The following ANKRD46 variants were observed in gnomAD, a reference collection of about 807,000 sequenced individuals.
ANKRD46 encodes ankyrin repeat domain-containing protein 46.
Under a neutral mutation model 19.8 loss-of-function variants are expected in ANKRD46, and 13 were observed. That is an observed-to-expected ratio of 0.66 (90% CI 0.43 to 1.04). The LOEUF (loss-of-function observed/expected upper bound fraction) is 1.04, where lower values mean the gene tolerates loss of function less well. Ranked by LOEUF, ANKRD46 falls within the 50% of genes least tolerant of loss-of-function variation. The probability of loss-of-function intolerance (pLI) is 0.00; values close to 1 mark genes in which losing one functional copy is unlikely to be tolerated. For synonymous variants in ANKRD46, 91 were observed against 106.9 expected, an observed-to-expected ratio of 0.85 and a Z score of 0.92; for missense variants, 185 against 274.8, an observed-to-expected ratio of 0.67 and a Z score of 2.31.
At chr8:100,526,048 G>A (rs948197159) in intron 4 of ANKRD46, among the ~76,000 whole-genome samples, 1 of 152,184 alleles carries the variant, frequency 6.6e-6, no homozygotes, top group Non-Finnish European at 1.5e-5. Context: ...ACACTGAGGG[G>A]TAGGAGTAAG....
intron 1 of ANKRD46, among the ~76,000 whole-genome samples, chr8:100,540,108 CTAAG>C (rs541221169): frequency 8.1e-4 from 124 of 152,154 alleles, no homozygotes; most frequent in African/African-American, 2.9e-3. Flanking sequence ...AGGCACAGTT[CTAAG>C]TGTTTTTCCT....
At position 100,525,727 on chromosome 8, in the gene ANKRD46, A is replaced by G. The variant is rs139466698; in HGVS notation, c.470+2118T>C. 6.6e-6 allele frequency among the ~76,000 whole-genome samples: 1 copy of G among 152,200 alleles called. No homozygotes were observed. The highest frequency in any genetic ancestry group is 2.4e-5 in the African/African-American group (1 of 41,446). ...ATTCATATATAAGTTTTGTGTGGAC[A>G]TATGTTTCAATTTTCTTTGGTATAT... is the stretch of plus-strand genomic sequence containing the variant. On this transcript the variant is annotated intron_variant, in intron 4 of 4. Transcript: ENST00000335659. The surrounding 1 kb of genome is among the most constrained non-coding windows in gnomAD (Gnocchi z 4.4).
At position 100,546,246 on chromosome 8, in the gene ANKRD46, C is replaced by G. The variant is rs1812270810; in HGVS notation, c.-130-12935G>C. Among the ~76,000 whole-genome samples the G allele has an allele frequency of 6.6e-6, 1 of 152,210 alleles. No individual in the cohort carries two copies. The highest frequency in any genetic ancestry group is 1.5e-5 in the Non-Finnish European group (1 of 68,022). On this transcript the variant is annotated intron_variant, in intron 1 of 4. Transcript: ENST00000335659. The surrounding 1 kb of genome is among the most constrained non-coding windows in gnomAD (Gnocchi z 4.0). ...CATGTCAGAGATCTTCATGGCAGCC[C>G]CTCCCATCACAGGCCACAAGGCCTA...
chr8:100,538,618 C>T (rs1412708900), intron 1 of ANKRD46, among the ~76,000 whole-genome samples: 1 of 152,052 alleles, frequency 6.6e-6, no homozygotes, highest in Non-Finnish European at 1.5e-5. Context: ...AGAAACCCAT[C>T]CCTCTTCAAA....
intron 3 of ANKRD46, among the ~76,000 whole-genome samples, chr8:100,528,987 T>G (rs945804415): frequency 2.0e-5 from 3 of 152,184 alleles, no homozygotes; most frequent in Admixed American, 6.5e-5. Context: ...CCCGGGAGAT[T>G]ATGAAGCTCA....
In ANKRD46 at chr8:100,537,423, C is replaced by A. The variant is rs1013077725; in HGVS notation, c.-130-4112G>T. 2.6e-5 allele frequency among the ~76,000 whole-genome samples: 4 copies of A among 152,132 alleles called. No individual in the cohort carries two copies. The highest frequency in any genetic ancestry group is 9.7e-5 in the African/African-American group (4 of 41,432). ...ATTCTGTCAGATCTTATTGCCTTTG[C>A]CATTTTCTAATGTCAAAGAAAAGTA... On this transcript the variant is annotated intron_variant, in intron 1 of 4. Coordinates refer to ENST00000335659, the MANE Select transcript of ANKRD46 (RefSeq NM_001270377.2). This position sits in a 1 kb window ranked among gnomAD's most constrained non-coding sequence, Gnocchi z 4.2.
chr8:100,550,527 C>CTT lies in ANKRD46; in HGVS notation c.-131+9182_-131+9183dup, dbSNP rs34381045. On this transcript the variant is annotated intron_variant, in intron 1 of 4. Coordinates refer to ENST00000335659, the MANE Select transcript of ANKRD46 (RefSeq NM_001270377.2). The surrounding 1 kb of genome is among the most constrained non-coding windows in gnomAD (Gnocchi z 4.4). The stretch of plus-strand genomic sequence containing the variant: ...TAAAATCAGGTTGTTCATTTTCTAT[C>CTT]TTTTTTTTTTTTTTGAGTACAGAGG... The CTT allele has an allele frequency of 0.023, 3,282 of 145,224 alleles. 69 individuals are homozygous for CTT. Among genetic ancestry groups the CTT allele is most frequent in the South Asian group, 0.04 (187 of 4,640 alleles). The allele number at this position is 145,224 out of a possible 1,614,324, so 9.0% of individuals were successfully genotyped here. A position where few individuals can be genotyped will look rare whatever the true frequency, so the allele number is the denominator to read the frequency against.
chr8:100,528,787 C>A (rs749935347), intron 3 of ANKRD46, among the ~76,000 whole-genome samples: 1 of 152,160 alleles, frequency 6.6e-6, no homozygotes, highest in African/African-American at 2.4e-5. Context: ...AAAGCATTTA[C>A]TGTCTTATTC....
At chr8:100,519,235 T>C (rs1260276419), downstream of ANKRD46, among the ~76,000 whole-genome samples, 2 of 152,216 alleles carry the variant, frequency 1.3e-5, no homozygotes, top group African/African-American at 2.4e-5. Flanking sequence ...ATGGGGTACA[T>C]GATATCATGT....
Position 100,545,043 on chromosome 8 carries a change from G to A in ANKRD46, c.-130-11732C>T, listed in dbSNP as rs1456644546. ...TCATATCTAAAACCAGCACTCCAGAGGCTGGGTGTGCTGACTCATGCCTGA... is the reference window on the plus strand; with the variant it reads ...TCATATCTAAAACCAGCACTCCAGAAGCTGGGTGTGCTGACTCATGCCTGA... On this transcript the variant is annotated intron_variant, in intron 1 of 4. Coordinates refer to ENST00000335659, the MANE Select transcript of ANKRD46 (RefSeq NM_001270377.2). The surrounding 1 kb of genome is among the most constrained non-coding windows in gnomAD (Gnocchi z 4.7). Among the ~76,000 whole-genome samples the A allele has an allele frequency of 6.6e-6, 1 of 152,188 alleles. No individual in the cohort carries two copies. Among genetic ancestry groups the A allele is most frequent in the Non-Finnish European group, 1.5e-5 (1 of 68,034 alleles).
chr8:100,539,347 G>C lies in ANKRD46; in HGVS notation c.-130-6036C>G, dbSNP rs375675041. 1.8e-4 allele frequency among the ~76,000 whole-genome samples: 28 copies of C among 152,312 alleles called. No homozygotes were observed. The East Asian group carries it at 5.4e-3, about 29-fold the overall frequency. On this transcript the variant is annotated intron_variant, in intron 1 of 4. Transcript: ENST00000335659. ...GATTCTTTAAAAAAGGAAAAGAGTTGCTCTCTTTCTGTGGGAAGTAAATAA... is the reference window on the plus strand; with the variant it reads ...GATTCTTTAAAAAAGGAAAAGAGTTCCTCTCTTTCTGTGGGAAGTAAATAA...
Position 100,527,829 on chromosome 8 carries a change from GT to G in ANKRD46, c.470+15del, listed in dbSNP as rs754729799. On this transcript the variant is annotated intron_variant, in intron 4 of 4. Coordinates refer to ENST00000335659, the MANE Select transcript of ANKRD46 (RefSeq NM_001270377.2). The surrounding 1 kb of genome is among the most constrained non-coding windows in gnomAD (Gnocchi z 4.0). ...TGAGTAATACAGTGAGAAAAAAAAA[GT>G]TGTATCTCCAGTACCTTTCACTCTC... is the stretch of plus-strand genomic sequence containing the variant. 25 of 1,605,336 alleles carry G rather than the reference GT, an allele frequency of 1.6e-5. No individual in the cohort carries two copies. The South Asian group carries it at 2.7e-4, about 17-fold the overall frequency.
intron 1 of ANKRD46, among the ~76,000 whole-genome samples, chr8:100,553,424 C>A (rs1044774943): frequency 4.6e-5 from 7 of 152,160 alleles, no homozygotes; most frequent in Non-Finnish European, 2.9e-5. Flanking sequence ...ACTGTTTCAA[C>A]AAAGTCACAC....
At position 100,528,005 on chromosome 8, in the gene ANKRD46, T is replaced by TAAAAAAA; in HGVS notation, c.312-9_312-3dup. The TAAAAAAA allele has an allele frequency of 1.7e-6, 2 of 1,164,218 alleles. No individual in the cohort carries two copies. The highest frequency in any genetic ancestry group is 2.9e-5 in the South Asian group (1 of 33,914). The allele number at this position is 1,164,218 out of a possible 1,614,324, so 72.1% of individuals were successfully genotyped here. A position where few individuals can be genotyped will look rare whatever the true frequency, so the allele number is the denominator to read the frequency against. ...AAAGGGGTAGCACCTTGATGATTGC[T>TAAAAAAA]AAAAAAAAAAAAAAAAAAAAAAGTT... On this transcript the variant is annotated splice_region_variant and splice_polypyrimidine_tract_variant and intron_variant, in intron 3 of 4. Transcript: ENST00000335659.
downstream of ANKRD46, among the ~76,000 whole-genome samples, chr8:100,518,063 C>G: frequency 6.6e-6 from 1 of 152,150 alleles, no homozygotes; most frequent in East Asian, 1.9e-4. Flanking sequence ...TGGTAGTGCA[C>G]ACCTGTAATC....
intron 1 of ANKRD46, among the ~76,000 whole-genome samples, chr8:100,540,101 C>T (rs912495072): frequency 1.4e-4 from 22 of 152,204 alleles, no homozygotes; most frequent in Middle Eastern, 3.4e-3. Context: ...ATACTGCAGG[C>T]ACAGTTCTAA....
chr8:100,522,269 C>T lies in ANKRD46; in HGVS notation c.*286G>A. The T allele has an allele frequency of 8.4e-7, 1 of 1,185,764 alleles. No homozygotes were observed. Among genetic ancestry groups the T allele is most frequent in the Non-Finnish European group, 1.0e-6 (1 of 953,570 alleles). 73.5% of individuals were successfully genotyped at this position (1,185,764 alleles called of 1,614,324 possible). The stretch of plus-strand genomic sequence containing the variant: ...ACTTCCTAGCTTCTTCCTTTATCTT[C>T]CATTCTCTAGTCACTTCCGTGTTTT... On this transcript the variant is annotated 3_prime_UTR_variant, in exon 5 of 5. Transcript: ENST00000335659.
intron 5 of ANKRD46, among the ~76,000 whole-genome samples, chr8:100,514,129 T>C (rs1163852077): frequency 2.6e-5 from 4 of 152,316 alleles, no homozygotes; most frequent in Non-Finnish European, 4.4e-5. Flanking sequence ...ATTTATGATA[T>C]GAATATGCAA....
intron 1 of ANKRD46, among the ~76,000 whole-genome samples, chr8:100,539,855 C>T (rs1437391966): frequency 5.9e-5 from 9 of 152,076 alleles, no homozygotes; most frequent in Admixed American, 5.9e-4. Context: ...TCGAGACTAG[C>T]CTGGGCAACA....
Sources: gnomAD v4.1 joint callset for allele counts (sites outside exome capture counted in the v4.1 genomes callset) on GRCh38, gnomAD v4.1.1 for gene constraint, Gnocchi (gnomAD v3.1) non-coding constraint, MANE v1.5 for transcripts, NCBI Gene and HGNC (gene_info 2026-07-23, HGNC 2026-07-21) for gene names.